The following CSE1L variants were observed in gnomAD, a reference collection of about 807,000 sequenced individuals.
The protein encoded by CSE1L is chromosome segregation 1 like, also known as exportin-2.
Under a neutral mutation model 120.4 loss-of-function variants are expected in CSE1L, and 24 were observed. The observed-to-expected ratio is 0.20, with a 90% confidence interval of 0.14 to 0.28. CSE1L has a LOEUF of 0.28. CSE1L is among the 10% of genes least tolerant of loss of function. The pLI, the probability that CSE1L is intolerant of heterozygous loss-of-function variation, is 1.00. For synonymous variants in CSE1L, 402 were observed against 398.3 expected (o/e 1.01, Z -0.11); for missense variants, 830 against 1,145.2 (o/e 0.72, Z 3.97).
chr20:49,048,512 A>T (rs2091740094), intron 1 of CSE1L, among the ~76,000 whole-genome samples: 1 of 152,194 alleles, frequency 6.6e-6, no homozygotes, highest in South Asian at 2.1e-4. Context: ...TGACAGGTGA[A>T]GAAGGCTTTT....
intron 1 of CSE1L, among the ~76,000 whole-genome samples, 195 bp downstream of exon 1, chr20:49,046,618 C>T (rs1434269264): frequency 2.0e-5 from 3 of 152,228 alleles, no homozygotes; most frequent in South Asian, 4.1e-4. Flanking sequence ...CTTGCCGCGC[C>T]TCGCGGCATC....
chr20:49,070,971 GAA>G (rs2091927544), intron 8 of CSE1L, among the ~76,000 whole-genome samples: 1 of 152,060 alleles, frequency 6.6e-6, no homozygotes, highest in Non-Finnish European at 1.5e-5. Flanking sequence ...CACAGCTCGA[GAA>G]AGAGAGAAAA....
chr20:49,069,768 CAG>C (rs2091918786), intron 7 of CSE1L, among the ~76,000 whole-genome samples: 1 of 152,226 alleles, frequency 6.6e-6, no homozygotes, highest in African/African-American at 2.4e-5. Context: ...AATCTACCCT[CAG>C]GGGACTTGTA....
chr20:49,075,704 C>T (rs1188846965), intron 12 of CSE1L, among the ~76,000 whole-genome samples, 184 bp downstream of exon 12: 2 of 152,112 alleles, frequency 1.3e-5, no homozygotes, highest in African/African-American at 4.8e-5. Context: ...TTCTTATAGA[C>T]CAGAAAATTG....
intron 3 of CSE1L, among the ~76,000 whole-genome samples, chr20:49,065,313 A>AATTTTTTTTTT (rs775165525): frequency 5.8e-5 from 3 of 52,116 alleles, no homozygotes; most frequent in African/African-American, 1.3e-4. Context: ...TGAAAAAAAA[A>AATTTTTTTTTT]TTTTTTTTTT....
Position 49,075,511 on chromosome 20 carries a change from A to T in CSE1L, c.1326A>T (p.Gln442His), listed in dbSNP as rs1479806746. 6.2e-7 allele frequency: 1 copy of T among 1,613,732 alleles called. No individual in the cohort carries two copies. The highest frequency in any genetic ancestry group is 1.3e-5 in the African/African-American group (1 of 74,922). ...TGACATCTTTGGCATCAAAAGCCCA[A>T]ACACAGAAGGTAAATATTTTTAATG... Reference protein sequence around the residue: ...YLVTSLASKAQTQKHGITQAN... With the variant: ...YLVTSLASKAHTQKHGITQAN... Residue 442 changes from glutamine (Q) to histidine (H), a missense_variant, in exon 12 of 25, where the codon CAA becomes CAT. By Grantham distance (24) the Gln-to-His change is conservative. Around this residue, in one of 4 missense-constraint regions of CSE1L, gnomAD observed 543 missense variants for 640.2 expected, o/e 0.85. Transcript: ENST00000262982.
Position 49,077,567 on chromosome 20 carries a change from A to T in CSE1L, c.1420+503A>T, listed in dbSNP as rs553802816. ...TTGCTTGATTAGGAGGAAAATAGGA[A>T]TAAATACAACTAAACTGTAACTCAG... On this transcript the variant is annotated intron_variant, in intron 13 of 24. Transcript: ENST00000262982. Among the ~76,000 whole-genome samples, 4 of 152,358 alleles carry T rather than the reference A, an allele frequency of 2.6e-5. No homozygotes were observed. In the South Asian group the frequency reaches 8.3e-4, roughly 32 times the overall value.
chr20:49,055,256 A>C (rs2091797544), intron 1 of CSE1L, among the ~76,000 whole-genome samples: 1 of 152,198 alleles, frequency 6.6e-6, no homozygotes, highest in Non-Finnish European at 1.5e-5. Flanking sequence ...GTTTGCCACA[A>C]ACTTGTTAAA....
chr20:49,091,166 T>TAC, intron 21 of CSE1L, 144 bp downstream of exon 21: 1 of 646,778 alleles, frequency 1.5e-6, no homozygotes, highest in Non-Finnish European at 2.7e-6. Context: ...TTCATGCCTG[T>TAC]AATCGCAGCA....
At position 49,066,184 on chromosome 20, in the gene CSE1L, G is replaced by A; in HGVS notation, c.229-8G>A. Reference sequence around the variant, plus strand: ...GTGTTACTTCCTCAGTTACTGCTTTGCTTTTAGGTTGAAGATGAACCAAAC... The same window carrying A: ...GTGTTACTTCCTCAGTTACTGCTTTACTTTTAGGTTGAAGATGAACCAAAC... On this transcript the variant is annotated splice_region_variant and splice_polypyrimidine_tract_variant and intron_variant, in intron 3 of 24. Transcript: ENST00000262982. 1 of 1,613,194 alleles carries A rather than the reference G, an allele frequency of 6.2e-7. No homozygotes were observed.
At chr20:49,047,590 TTTGAGA>T (rs1436968922) in intron 1 of CSE1L, among the ~76,000 whole-genome samples, 1 of 112,246 alleles carries the variant, frequency 8.9e-6, no homozygotes, top group African/African-American at 3.4e-5. Flanking sequence ...TTTTTTTTTT[TTTGAGA>T]GAGAGAGTCT....
intron 14 of CSE1L, among the ~76,000 whole-genome samples, chr20:49,083,171 C>T (rs918318662): frequency 1.3e-5 from 2 of 152,020 alleles, no homozygotes; most frequent in South Asian, 2.1e-4. Flanking sequence ...ACTACAGGCG[C>T]ATGCCACCAC....
chr20:49,087,713 C>T (rs899065191), intron 16 of CSE1L, among the ~76,000 whole-genome samples: 35 of 152,164 alleles, frequency 2.3e-4, no homozygotes, highest in Admixed American at 2.2e-3. Flanking sequence ...GACTCACCTG[C>T]TCCATTCATG....
At chr20:49,096,317 A>C (rs199593761) in intron 24 of CSE1L, 32 bp from the exon 25 acceptor site, 2 of 1,560,212 alleles carry the variant, frequency 1.3e-6, no homozygotes, top group East Asian at 4.5e-5. Context: ...CAAGATCTCC[A>C]ACAGCCAGTG....
Position 49,094,152 on chromosome 20 carries a change from G to A in CSE1L, c.2460G>A (p.Met820Ile). 6.4e-7 allele frequency: 1 copy of A among 1,554,318 alleles called. No individual in the cohort carries two copies. Among genetic ancestry groups the A allele is most frequent in the South Asian group, 1.1e-5 (1 of 87,290 alleles). The change falls in exon 23 of 25, where the codon ATG becomes ATA. Residue 820 changes from methionine to isoleucine, a missense_variant. Physicochemically the swap from Met to Ile is conservative, Grantham distance 10. Coordinates refer to ENST00000262982, the MANE Select transcript of CSE1L (RefSeq NM_001316.4). Reference protein sequence around the residue: ...FDGIQPKMFGMVLEKIIIPEI... With the variant: ...FDGIQPKMFGIVLEKIIIPEI... ...TTTGCTTTAATAGAATGTTTGGAAT[G>A]GTTTTGGAAAAAATTATTATTCCTG...
chr20:49,060,622 AAACATT>A (rs1305877940), intron 2 of CSE1L, among the ~76,000 whole-genome samples: 1 of 152,108 alleles, frequency 6.6e-6, no homozygotes, highest in African/African-American at 2.4e-5. Flanking sequence ...CTAAAAATAC[AAACATT>A]AGCCAGGCAT....
chr20:49,096,778 G>T lies in CSE1L; in HGVS notation c.*340G>T, dbSNP rs1568792116. ...TTCTGTTACTAAATCCTTTTGTTTT[G>T]AAGCTGTTGCTATTTGTATTTCTCT... On this transcript the variant is annotated 3_prime_UTR_variant, in exon 25 of 25. Coordinates refer to ENST00000262982, the MANE Select transcript of CSE1L (RefSeq NM_001316.4). 4.3e-6 allele frequency: 1 copy of T among 231,264 alleles called. No homozygotes were observed. Among genetic ancestry groups the T allele is most frequent in the Non-Finnish European group, 8.5e-6 (1 of 117,892 alleles). 14.3% of individuals were successfully genotyped at this position (231,264 alleles called of 1,614,324 possible).
In CSE1L at chr20:49,091,149, G is replaced by A. The variant is rs1354962841; in HGVS notation, c.2365+127G>A. 5.7e-6 allele frequency: 4 copies of A among 706,328 alleles called. No homozygotes were observed. The Admixed American group carries it at 1.1e-4, about 20-fold the overall frequency. The allele number at this position is 706,328 out of a possible 1,614,324, so 43.8% of individuals were successfully genotyped here. A position where few individuals can be genotyped will look rare whatever the true frequency, so the allele number is the denominator to read the frequency against. On this transcript the variant is annotated intron_variant, in intron 21 of 24. Transcript: ENST00000262982. ...TTATGCAAAAAATACTTGGCCACGTGTGGAGGTTCATGCCTGTAATCGCAG... is the reference window on the plus strand; with the variant it reads ...TTATGCAAAAAATACTTGGCCACGTATGGAGGTTCATGCCTGTAATCGCAG...
At chr20:49,058,160 C>G (rs2091823964) in intron 1 of CSE1L, among the ~76,000 whole-genome samples, 1 of 152,002 alleles carries the variant, frequency 6.6e-6, no homozygotes, top group African/African-American at 2.4e-5. Flanking sequence ...ATCATATAAA[C>G]TTCTTGGTGA....
Sources: gnomAD v4.1 joint callset for allele counts (sites outside exome capture counted in the v4.1 genomes callset) on GRCh38, gnomAD v4.1.1 for gene constraint, gnomAD v4.1.1 regional missense constraint, MANE v1.5 for transcripts, NCBI Gene and HGNC (gene_info 2026-07-23, HGNC 2026-07-21) for gene names.